The following SDK1 variants were observed in gnomAD, a reference collection of about 807,000 sequenced individuals.
SDK1 encodes protein sidekick-1.
SDK1 carries 157 observed loss-of-function variants against 245.5 expected under a neutral mutation model. The observed-to-expected ratio is 0.64, with a 90% CI of 0.56 to 0.73. SDK1 has a LOEUF of 0.73. Ranked by LOEUF, SDK1 falls within the 30% of genes least tolerant of loss-of-function variation. The pLI is 0.00. For missense variants in SDK1, 3,583 were observed against 3,002.3 expected (o/e 1.19, Z -4.52); for synonymous variants, 1,647 against 1,278.5 (o/e 1.29, Z -6.15).
intron 4 of SDK1, among the ~76,000 whole-genome samples, chr7:3,690,796 A>G (rs895312095): frequency 1.3e-5 from 2 of 152,216 alleles, no homozygotes; most frequent in Non-Finnish European, 2.9e-5. Flanking sequence ...TAAAAACCAT[A>G]TGACTTGTCT....
intron 4 of SDK1, among the ~76,000 whole-genome samples, chr7:3,719,175 G>T (rs1474986719): frequency 6.6e-6 from 1 of 150,998 alleles, no homozygotes; most frequent in African/African-American, 2.4e-5. Context: ...TTTACAAAAT[G>T]CTGAGAAATG....
chr7:3,992,973 T>C (rs1784451970), intron 14 of SDK1, among the ~76,000 whole-genome samples: 1 of 152,242 alleles, frequency 6.6e-6, no homozygotes, highest in Admixed American at 6.5e-5. Context: ...ATTTTTGCAC[T>C]ATCAATATGT....
intron 1 of SDK1, among the ~76,000 whole-genome samples, chr7:3,467,906 T>A (rs1418489342): frequency 6.6e-6 from 1 of 152,160 alleles, no homozygotes; most frequent in Non-Finnish European, 1.5e-5. Flanking sequence ...TTATTAGAGA[T>A]CTTTTATGTA....
intron 7 of SDK1, chr7:3,952,173 A>T: frequency 2.0e-6 from 1 of 501,560 alleles, no homozygotes; most frequent in Non-Finnish European, 3.5e-6. Flanking sequence ...AAAGCTCGGG[A>T]AATAGAGCGG....
chr7:3,460,573 C>G (rs1423124758), intron 1 of SDK1, among the ~76,000 whole-genome samples: 1 of 152,190 alleles, frequency 6.6e-6, no homozygotes, highest in African/African-American at 2.4e-5. Context: ...ACCAAAATCT[C>G]ATTCACAGAT....
At chr7:4,168,377 C>G (rs1781629102) in intron 32 of SDK1, among the ~76,000 whole-genome samples, 2 of 152,246 alleles carry the variant, frequency 1.3e-5, no homozygotes, top group Admixed American at 1.3e-4. Context: ...GGCGGATTGG[C>G]CATTTCTTAT....
intron 25 of SDK1, among the ~76,000 whole-genome samples, chr7:4,127,037 G>A (rs900655243): frequency 6.6e-6 from 1 of 152,126 alleles, no homozygotes; most frequent in Non-Finnish European, 1.5e-5. Context: ...ATTTAGAGCT[G>A]TCAGTGAACA....
intron 1 of SDK1, among the ~76,000 whole-genome samples, chr7:3,575,359 C>T (rs891596205): frequency 3.9e-5 from 6 of 152,014 alleles, no homozygotes; most frequent in African/African-American, 1.2e-4. Context: ...CTTCTTCTAA[C>T]CCTTATTATA....
intron 12 of SDK1, among the ~76,000 whole-genome samples, chr7:3,973,822 T>C (rs1037222427): frequency 6.6e-6 from 1 of 152,226 alleles, no homozygotes; most frequent in African/African-American, 2.4e-5. Context: ...TTTTGTATTA[T>C]GACCAAGATT....
At position 4,268,705 on chromosome 7, in the gene SDK1, G is replaced by A. The variant is rs778688730; in HGVS notation, c.*3321G>A. The A allele has an allele frequency of 4.5e-5, 61 of 1,367,726 alleles. No individual in the cohort carries two copies. Among genetic ancestry groups the A allele is most frequent in the African/African-American group, 1.0e-4 (7 of 67,728 alleles). 84.7% of individuals were successfully genotyped at this position (1,367,726 alleles called of 1,614,324 possible). A position where few individuals can be genotyped will look rare whatever the true frequency, so the allele number is the denominator to read the frequency against. On this transcript the variant is annotated 3_prime_UTR_variant, in exon 45 of 45. Coordinates refer to ENST00000404826, the MANE Select transcript of SDK1 (RefSeq NM_152744.4). ...TAGCTATCCTCCTGACGAGCAACCC[G>A]TCTGCGTACCTAAGTGTGGCTCCCC...
intron 1 of SDK1, among the ~76,000 whole-genome samples, chr7:3,306,291 A>G (rs1158196854): frequency 6.6e-6 from 1 of 152,194 alleles, no homozygotes; most frequent in Non-Finnish European, 1.5e-5. Flanking sequence ...CTCTAAGAAA[A>G]TGACTATCAC....
rs193151620 is a variant in SDK1, at chr7:3,580,274, C to A, written c.299-38806C>A. 2.4e-3 allele frequency among the ~76,000 whole-genome samples: 368 copies of A among 152,236 alleles called. 3 individuals are homozygous for A. Among genetic ancestry groups the A allele is most frequent in the South Asian group, 0.018 (86 of 4,822 alleles). Reference sequence around the variant, plus strand: ...ATCAAACTACCCATAACATTCTTCACAAAACTGGAAATAACTATTTTAAAA... The same window carrying A: ...ATCAAACTACCCATAACATTCTTCAAAAAACTGGAAATAACTATTTTAAAA... On this transcript the variant is annotated intron_variant, in intron 1 of 44. Transcript: ENST00000404826.
At chr7:3,908,713 C>A (rs535249193) in intron 5 of SDK1, among the ~76,000 whole-genome samples, 21 of 152,124 alleles carry the variant, frequency 1.4e-4, no homozygotes, top group African/African-American at 5.1e-4. Flanking sequence ...AAGGGGAAAT[C>A]ATCTTCTTTT....
At chr7:3,729,616 G>C (rs1224741090) in intron 4 of SDK1, among the ~76,000 whole-genome samples, 2 of 152,064 alleles carry the variant, frequency 1.3e-5, no homozygotes, top group East Asian at 3.9e-4. Flanking sequence ...TTCTTGTCTG[G>C]GGCAGCTTTC....
At chr7:4,173,657 C>G (rs537737048) in intron 32 of SDK1, among the ~76,000 whole-genome samples, 2 of 152,194 alleles carry the variant, frequency 1.3e-5, no homozygotes, top group Admixed American at 1.3e-4. Flanking sequence ...AGCAGATCAC[C>G]GGACCGCAAG....
intron 1 of SDK1, among the ~76,000 whole-genome samples, chr7:3,596,393 C>T (rs374779343): frequency 6.6e-6 from 1 of 152,176 alleles, no homozygotes; most frequent in African/African-American, 2.4e-5. Flanking sequence ...GAGGCAGTGA[C>T]TGAGGAAAGT....
chr7:3,700,721 A>G (rs921954129), intron 4 of SDK1, among the ~76,000 whole-genome samples: 1 of 152,238 alleles, frequency 6.6e-6, no homozygotes, highest in African/African-American at 2.4e-5. Flanking sequence ...GTAAGTGTAA[A>G]TGGTTTAAAT....
At chr7:3,337,998 T>C (rs1780247428) in intron 1 of SDK1, 4 of 155,394 alleles carry the variant, frequency 2.6e-5, no homozygotes, top group African/African-American at 9.6e-5. Context: ...TGAGTTATAT[T>C]TGGTTGAAGC....
intron 17 of SDK1, among the ~76,000 whole-genome samples, chr7:4,033,233 A>G (rs1297584494): frequency 2.0e-5 from 3 of 151,858 alleles, no homozygotes; most frequent in African/African-American, 7.3e-5. Context: ...GATAAGCATT[A>G]TTGAAATAAG....
Sources: gnomAD v4.1 joint callset for allele counts (sites outside exome capture counted in the v4.1 genomes callset) on GRCh38, gnomAD v4.1.1 for gene constraint, MANE v1.5 for transcripts, NCBI Gene and HGNC (gene_info 2026-07-23, HGNC 2026-07-21) for gene names.